The following MYO10 variants were observed in gnomAD, a reference collection of about 807,000 sequenced individuals.
The protein encoded by MYO10 is myosin X, also known as unconventional myosin-X.
In MYO10, 133 loss-of-function variants were observed where a neutral mutation model predicts 257.3. The observed-to-expected ratio is 0.52, with a 90% confidence interval of 0.45 to 0.60. MYO10 has a LOEUF of 0.60. Among genes scored for constraint, MYO10 ranks in the 20% least tolerant of loss-of-function variants. The probability of loss-of-function intolerance (pLI) is 0.00; values close to 1 mark genes in which losing one functional copy is unlikely to be tolerated. For missense variants in MYO10, 2,399 were observed against 2,635.7 expected (o/e 0.91, Z 1.97); for synonymous variants, 1,104 against 1,028.6 (o/e 1.07, Z -1.40).
chr5:16,923,231 A>G (rs1205031069), intron 1 of MYO10, among the ~76,000 whole-genome samples: 2 of 152,182 alleles, frequency 1.3e-5, no homozygotes, highest in Non-Finnish European at 2.9e-5. Context: ...ATGACAATTT[A>G]AATGACAATG....
chr5:16,785,890 CA>C (rs35400564), intron 4 of MYO10, among the ~76,000 whole-genome samples: 111,265 of 151,512 alleles, frequency 0.73, 41,623 homozygotes, highest in Non-Finnish European at 0.82. Context: ...TTAAAAAAAA[CA>C]AAAAAACAAA....
rs533596298 is a variant in MYO10 at position 16,681,890 on chromosome 5, G to A, written c.4170C>T (p.Gly1390=). The A allele has an allele frequency of 1.9e-6, 3 of 1,613,916 alleles. 1 individual carries two copies. The Admixed American group carries it at 5.0e-5, about 27-fold the overall frequency. Residue 1390 remains glycine (G), a synonymous_variant, in exon 31 of 41, where the codon GGC becomes GGT. Coordinates refer to ENST00000513610, the MANE Select transcript of MYO10 (RefSeq NM_012334.3). ...QRSKGDTRVE[G]QEFIVRGWLH... ...AGTCACCTCTCACGATGAATTCCTG[G>A]CCCTCCACTCTGGTGTCCCCTTTGG...
chr5:16,890,759 G>A (rs2126773958), intron 1 of MYO10, among the ~76,000 whole-genome samples: 1 of 151,844 alleles, frequency 6.6e-6, no homozygotes, highest in East Asian at 1.9e-4. Flanking sequence ...AGAATCACTT[G>A]AACCCGAGAA....
chr5:16,691,755 CAGCTACTCTA>C (rs1265602839), intron 27 of MYO10, among the ~76,000 whole-genome samples: 2 of 151,222 alleles, frequency 1.3e-5, no homozygotes, highest in Non-Finnish European at 2.9e-5. Flanking sequence ...AGAGGACAAC[CAGCTACTCTA>C]AGCCTTCTTA....
intron 21 of MYO10, among the ~76,000 whole-genome samples, chr5:16,705,991 T>C (rs1738314059): frequency 6.6e-6 from 1 of 152,122 alleles, no homozygotes; most frequent in South Asian, 2.1e-4. Flanking sequence ...GAGACCAGCC[T>C]GGCCAACATG....
At chr5:16,690,712 G>A (rs948391045) in intron 27 of MYO10, among the ~76,000 whole-genome samples, 3 of 152,026 alleles carry the variant, frequency 2.0e-5, no homozygotes, top group Non-Finnish European at 4.4e-5. Context: ...GGGCATCTGC[G>A]TCTGAATTCT....
At chr5:16,887,722 C>A (rs1428887612) in intron 1 of MYO10, among the ~76,000 whole-genome samples, 1 of 152,050 alleles carries the variant, frequency 6.6e-6, no homozygotes, top group African/African-American at 2.4e-5. Context: ...AACGACTGAC[C>A]TCAGGTGATC....
In MYO10 at chr5:16,701,557, A is replaced by T. The variant is rs933279401; in HGVS notation, c.2838T>A (p.Asn946Lys). ...GGACACACTCGTCGATCTCGTCGAA[A>T]TTGAGGGACTCGAGGAACTCCTGGG... ...RAAQEFLESL[N>K]FDEIDECVRN... Residue 946 changes from asparagine (N) to lysine (K), a missense_variant, in exon 25 of 41, where the codon AAT becomes AAA. Around this residue, in one of 3 missense-constraint regions of MYO10, gnomAD observed 1,820 missense variants for 1,939.4 expected, o/e 0.94. Transcript: ENST00000513610. The surrounding 1 kb of genome is among the most constrained non-coding windows in gnomAD (Gnocchi z 8.1). 5 of 1,613,646 alleles carry T rather than the reference A, an allele frequency of 3.1e-6. No individual in the cohort carries two copies. Among genetic ancestry groups the T allele is most frequent in the Non-Finnish European group, 4.2e-6 (5 of 1,179,818 alleles).
At position 16,713,577 on chromosome 5, in the gene MYO10, G is replaced by A. The variant is rs551820117; in HGVS notation, c.1930-2332C>T. On this transcript the variant is annotated intron_variant, in intron 19 of 40. Transcript: ENST00000513610. ...GGAGGGGAGGGAGGGAGCAAGGAGC[G>A]GCCTCGAGATCCAGGCTCCCATTGC... 4.2e-5 allele frequency: 35 copies of A among 834,572 alleles called. No homozygotes were observed. In the South Asian group the frequency reaches 1.5e-3, roughly 37 times the overall value. 51.7% of individuals were successfully genotyped at this position (834,572 alleles called of 1,614,324 possible). A position where few individuals can be genotyped will look rare whatever the true frequency, so the allele number is the denominator to read the frequency against.
At chr5:16,689,554 A>G (rs1242248793) in intron 28 of MYO10, among the ~76,000 whole-genome samples, 1 of 151,990 alleles carries the variant, frequency 6.6e-6, no homozygotes, top group African/African-American at 2.4e-5. Flanking sequence ...TACCGGTGAC[A>G]GTAACAGCCT....
intron 9 of MYO10, among the ~76,000 whole-genome samples, chr5:16,778,834 G>T (rs1165920264): frequency 6.6e-6 from 1 of 151,966 alleles, no homozygotes; most frequent in Non-Finnish European, 1.5e-5. Flanking sequence ...GGGACTATAG[G>T]CGCCCGCCAC....
chr5:16,782,503 T>C (rs1241230748), intron 5 of MYO10, among the ~76,000 whole-genome samples: 2 of 152,156 alleles, frequency 1.3e-5, no homozygotes. Flanking sequence ...ATAACAAACA[T>C]GAATGTACTT....
chr5:16,732,176 A>G (rs951922031), intron 19 of MYO10, among the ~76,000 whole-genome samples: 3 of 152,190 alleles, frequency 2.0e-5, no homozygotes, highest in Non-Finnish European at 4.4e-5. Flanking sequence ...CTGCAAATCA[A>G]TTAAAGTATG....
chr5:16,810,417 C>T, intron 3 of MYO10, among the ~76,000 whole-genome samples: 1 of 152,162 alleles, frequency 6.6e-6, no homozygotes, highest in East Asian at 1.9e-4. Flanking sequence ...CGCCCTCAGC[C>T]CATCTGTCCT....
At chr5:16,836,169 G>A (rs962919849) in intron 2 of MYO10, among the ~76,000 whole-genome samples, 13 of 152,138 alleles carry the variant, frequency 8.5e-5, no homozygotes, top group African/African-American at 2.9e-4. Flanking sequence ...CCCAAAAAGA[G>A]TGTCTGGAGA....
At chr5:16,835,490 C>CTTTTTT (rs1743283719) in intron 2 of MYO10, among the ~76,000 whole-genome samples, 2 of 63,234 alleles carry the variant, frequency 3.2e-5, no homozygotes, top group Non-Finnish European at 6.5e-5. Flanking sequence ...TCATTTTTGG[C>CTTTTTT]TGTTTTTTTT....
chr5:16,847,328 G>T (rs1444940552), intron 2 of MYO10, among the ~76,000 whole-genome samples: 1 of 151,708 alleles, frequency 6.6e-6, no homozygotes, highest in Non-Finnish European at 1.5e-5. Flanking sequence ...GGAGGCTGAG[G>T]CAGGAGAATG....
At chr5:16,829,463 C>T (rs528647476) in intron 2 of MYO10, among the ~76,000 whole-genome samples, 1 of 152,152 alleles carries the variant, frequency 6.6e-6, no homozygotes, top group Non-Finnish European at 1.5e-5. Flanking sequence ...GAGGAGCAAT[C>T]GCCACAAACA....
At chr5:16,729,385 A>T (rs1352558075) in intron 19 of MYO10, among the ~76,000 whole-genome samples, 1 of 152,168 alleles carries the variant, frequency 6.6e-6, no homozygotes, top group Non-Finnish European at 1.5e-5. Context: ...ACAACGATAA[A>T]ATCCAAATAT....
Sources: gnomAD v4.1 joint callset for allele counts (sites outside exome capture counted in the v4.1 genomes callset) on GRCh38, gnomAD v4.1.1 for gene constraint, gnomAD v4.1.1 regional missense constraint, Gnocchi (gnomAD v3.1) non-coding constraint, MANE v1.5 for transcripts, NCBI Gene and HGNC (gene_info 2026-07-23, HGNC 2026-07-21) for gene names.